ABHD12B: variants seen among roughly 807,000 people sequenced by gnomAD.
The protein encoded by ABHD12B is protein ABHD12B.
In ABHD12B, 42 loss-of-function variants were observed where a neutral mutation model predicts 50.4. The ratio of observed to expected loss-of-function variants is 0.83; its 90% CI spans 0.65 to 1.08. The LOEUF is 1.08. Among genes scored for constraint, ABHD12B ranks in the 50% least tolerant of loss-of-function variants. The pLI is 0.00. For missense variants in ABHD12B, 479 were observed against 447.7 expected, an observed-to-expected ratio of 1.07 and a Z score of -0.63; for synonymous variants, 167 against 160.3, an observed-to-expected ratio of 1.04 and a Z score of -0.32.
intron 9 of ABHD12B, among the ~76,000 whole-genome samples, chr14:50,895,380 T>G (rs1245021392): frequency 6.6e-6 from 1 of 152,010 alleles, no homozygotes; most frequent in Non-Finnish European, 1.5e-5. Flanking sequence ...ACACAAGAAC[T>G]TCCAAACGCC....
At chr14:50,895,859 A>T (rs1391248057) in intron 9 of ABHD12B, 1 of 151,400 alleles carries the variant, frequency 6.6e-6, no homozygotes, top group Non-Finnish European at 1.5e-5. Context: ...AAACTCCCCA[A>T]CTCTGGTGCC....
rs1317065844 is a variant in ABHD12B at position 50,888,402 on chromosome 14, C to T, written c.701-422C>T. On this transcript the variant is annotated intron_variant, in intron 8 of 12. Transcript: ENST00000337334. The stretch of plus-strand genomic sequence containing the variant: ...TATTTTTAGTAGAGATGGGGTTTCA[C>T]CATGTTGGCCAGGATGGTCTCCATC... Among the ~76,000 whole-genome samples the T allele has an allele frequency of 2.0e-5, 3 of 152,066 alleles. No homozygotes were observed. In the South Asian group the frequency reaches 6.2e-4, roughly 32 times the overall value.
intron 9 of ABHD12B, among the ~76,000 whole-genome samples, chr14:50,894,787 C>A (rs1275413385): frequency 2.0e-5 from 3 of 149,508 alleles, no homozygotes; most frequent in Non-Finnish European, 4.4e-5. Context: ...TCCCCCCAGT[C>A]CCAACCCCAA....
In ABHD12B at chr14:50,880,474, G is replaced by A. The variant is rs781725974; in HGVS notation, c.358G>A (p.Gly120Arg). Residue 120 changes from glycine (G) to arginine (R), a missense_variant, in exon 4 of 13, where the codon GGG (glycine) becomes AGG (arginine). Transcript: ENST00000337334. The part of the protein sequence containing the change: ...GIWHTVPSCR[G>R]EDAKGKDCCW... ...CAGGCACACAGTCCCCAGCTGCCGG[G>A]GGGAAGATGCCAAGGGGAAGGACTG... The A allele has an allele frequency of 8.1e-6, 13 of 1,609,680 alleles. No individual in the cohort carries two copies. The highest frequency in any genetic ancestry group is 1.6e-4 in the Middle Eastern group (1 of 6,070).
chr14:50,872,925 A>C (rs1396788007), intron 1 of ABHD12B, among the ~76,000 whole-genome samples: 1 of 152,074 alleles, frequency 6.6e-6, no homozygotes, highest in Non-Finnish European at 1.5e-5. Flanking sequence ...CCTCCCATGG[A>C]TCCTCGGTTT....
chr14:50,877,034 A>T (rs1189274229), intron 1 of ABHD12B, among the ~76,000 whole-genome samples: 1 of 152,148 alleles, frequency 6.6e-6, no homozygotes, highest in African/African-American at 2.4e-5. Flanking sequence ...CTCATGGACA[A>T]ATCGTCACTT....
intron 2 of ABHD12B, among the ~76,000 whole-genome samples, chr14:50,878,360 T>A (rs1360941046): frequency 6.6e-6 from 1 of 152,218 alleles, no homozygotes; most frequent in Non-Finnish European, 1.5e-5. Context: ...GTTCTGGACA[T>A]TTCTTGCCTT....
At chr14:50,890,367 C>A (rs1596014267) in intron 9 of ABHD12B, among the ~76,000 whole-genome samples, 1 of 152,140 alleles carries the variant, frequency 6.6e-6, no homozygotes, top group Non-Finnish European at 1.5e-5. Flanking sequence ...GAGCATCACC[C>A]ACACTCTAGA....
Position 50,904,532 on chromosome 14 carries a change from G to GTATGGAA in ABHD12B, c.*168_*174dup. ...CAACAGAAAGTACGAATGTTAGGCA[G>GTATGGAA]TATGGAATGTTCTTATTTAGCTTAT... On this transcript the variant is annotated 3_prime_UTR_variant, in exon 13 of 13. Transcript: ENST00000337334. 1 of 805,418 alleles carries GTATGGAA rather than the reference G, an allele frequency of 1.2e-6. No individual in the cohort carries two copies. The highest frequency in any genetic ancestry group is 2.0e-6 in the Non-Finnish European group (1 of 495,014). The allele number at this position is 805,418 out of a possible 1,614,324, so 49.9% of individuals were successfully genotyped here.
chr14:50,890,569 G>A (rs909488752), intron 9 of ABHD12B, among the ~76,000 whole-genome samples: 4 of 152,086 alleles, frequency 2.6e-5, no homozygotes, highest in Non-Finnish European at 5.9e-5. Flanking sequence ...AAATTATATA[G>A]AATATATTTT....
intron 10 of ABHD12B, among the ~76,000 whole-genome samples, chr14:50,902,294 G>T (rs76430898): frequency 1.3e-5 from 2 of 151,964 alleles, no homozygotes; most frequent in Non-Finnish European, 2.9e-5. Context: ...ACCAGCCCGG[G>T]CAACACAGGG....
intron 9 of ABHD12B, among the ~76,000 whole-genome samples, chr14:50,894,866 G>C (rs368463412): frequency 6.8e-6 from 1 of 148,042 alleles, no homozygotes; most frequent in Non-Finnish European, 1.5e-5. Flanking sequence ...TCGCCAGGCC[G>C]AGCTAGGCCT....
rs141268956 is a variant in ABHD12B at position 50,894,348 on chromosome 14, C to T, written c.780+5445C>T. Among the ~76,000 whole-genome samples, 953 of 151,972 alleles carry T rather than the reference C, an allele frequency of 6.3e-3. 6 individuals are homozygous for T. The highest frequency in any genetic ancestry group is 9.2e-3 in the Non-Finnish European group (623 of 67,968). On this transcript the variant is annotated intron_variant, in intron 9 of 12. Coordinates refer to ENST00000337334, the MANE Select transcript of ABHD12B (RefSeq NM_001206673.2). The stretch of plus-strand genomic sequence containing the variant: ...TGTGCCCTAATCCCTTATTTCCGTG[C>T]CCCAACCCCTTCTCTGCTTTTCTGG...
At chr14:50,886,200 G>A (rs2050034693) in intron 7 of ABHD12B, among the ~76,000 whole-genome samples, 1 of 152,132 alleles carries the variant, frequency 6.6e-6, no homozygotes, top group Admixed American at 6.5e-5. Context: ...CACTTTGGGA[G>A]GCTGAGGTGG....
intron 8 of ABHD12B, 91 bp downstream of exon 8, chr14:50,886,775 T>C (rs7158183): frequency 0.99 from 1,199,255 of 1,207,028 alleles, 596,133 homozygotes; most frequent in East Asian, 1. Flanking sequence ...TTTGAACATA[T>C]AGACACCAAA....
chr14:50,895,230 A>G lies in ABHD12B; in HGVS notation c.780+6327A>G, dbSNP rs1183226941. Among the ~76,000 whole-genome samples, 2 of 149,666 alleles carry G rather than the reference A, an allele frequency of 1.3e-5. 1 individual carries two copies. Among genetic ancestry groups the G allele is most frequent in the African/African-American group, 5.1e-5 (2 of 38,976 alleles). Reference sequence around the variant, plus strand: ...TTAGCCAATCTGCTCCCGACATTAAATAAAACTCCAAAAATTAGATTCCGG... The same window carrying G: ...TTAGCCAATCTGCTCCCGACATTAAGTAAAACTCCAAAAATTAGATTCCGG... On this transcript the variant is annotated intron_variant, in intron 9 of 12. Transcript: ENST00000337334.
chr14:50,884,109 ACTG>A (rs1336544488), intron 5 of ABHD12B, among the ~76,000 whole-genome samples: 1 of 152,236 alleles, frequency 6.6e-6, no homozygotes, highest in Non-Finnish European at 1.5e-5. Flanking sequence ...TAACTGTTAC[ACTG>A]CTATTGGATA....
intron 3 of ABHD12B, among the ~76,000 whole-genome samples, chr14:50,879,755 A>C (rs1219823946): frequency 6.6e-6 from 1 of 152,212 alleles, no homozygotes; most frequent in East Asian, 1.9e-4. Flanking sequence ...CAGCTATCTC[A>C]TCAAGATCAG....
intron 9 of ABHD12B, among the ~76,000 whole-genome samples, chr14:50,890,373 C>A (rs1030689945): frequency 3.9e-5 from 6 of 152,130 alleles, no homozygotes; most frequent in African/African-American, 1.4e-4. Flanking sequence ...CACCCACACT[C>A]TAGAAGTCTT....
Sources: allele counts gnomAD v4.1 joint callset (sites outside exome capture counted in the v4.1 genomes callset), GRCh38; gene constraint gnomAD v4.1.1; transcripts MANE v1.5; gene names NCBI Gene and HGNC (gene_info 2026-07-23, HGNC 2026-07-21).